Variants in ZNF892 observed in about 807,000 individuals in gnomAD.
The protein encoded by ZNF892 is zinc finger protein 570-like.
the ZNF892 span, chr2:95,259,581 A>G: frequency 2.6e-5 from 4 of 152,238 alleles, no homozygotes; most frequent in African/African-American, 4.8e-5. Context: ...GGAATATGCA[A>G]TCTTCCCCAG....
chr2:95,232,671 T>G, the ZNF892 span, among the ~76,000 whole-genome samples: 1 of 152,166 alleles, frequency 6.6e-6, no homozygotes, highest in African/African-American at 2.4e-5. Flanking sequence ...AGGAGGTCAG[T>G]CTCTTTAGAG....
At chr2:95,207,727 C>A in the ZNF892 span, 3 of 398,184 alleles carry the variant, frequency 7.5e-6, no homozygotes, top group Non-Finnish European at 1.3e-5. Flanking sequence ...CGCGTGCGTT[C>A]CCGGCCTCTT....
the ZNF892 span, among the ~76,000 whole-genome samples, chr2:95,239,654 GT>G: frequency 6.6e-6 from 1 of 151,742 alleles, no homozygotes; most frequent in Non-Finnish European, 1.5e-5. Flanking sequence ...GCTGGAGCAC[GT>G]CTAGCTCTGT....
At chr2:95,238,221 G>T in the ZNF892 span, among the ~76,000 whole-genome samples, 1 of 152,218 alleles carries the variant, frequency 6.6e-6, no homozygotes, top group African/African-American at 2.4e-5. Context: ...TGACTCTCTT[G>T]TTAGGGCTAA....
chr2:95,222,411 A>G, the ZNF892 span, among the ~76,000 whole-genome samples: 245 of 152,314 alleles, frequency 1.6e-3, 1 homozygote, highest in Non-Finnish European at 2.9e-3. Flanking sequence ...CACAGGGCCA[A>G]CCTTTTCCAG....
the ZNF892 span, among the ~76,000 whole-genome samples, chr2:95,221,824 C>T: frequency 6.6e-6 from 1 of 152,140 alleles, no homozygotes; most frequent in Non-Finnish European, 1.5e-5. Context: ...CAATAAAATT[C>T]ACCCACTTAA....
chr2:95,252,036 G>A, the ZNF892 span, among the ~76,000 whole-genome samples: 7 of 152,154 alleles, frequency 4.6e-5, no homozygotes, highest in East Asian at 1.9e-4. Context: ...GTTCGGAGTC[G>A]CAAAGAAAAT....
At chr2:95,238,001 T>C in the ZNF892 span, among the ~76,000 whole-genome samples, 1 of 152,170 alleles carries the variant, frequency 6.6e-6, no homozygotes, top group African/African-American at 2.4e-5. Context: ...CTCCATCACA[T>C]AAATTAAGTG....
chr2:95,234,586 A>G, the ZNF892 span, among the ~76,000 whole-genome samples: 1 of 152,198 alleles, frequency 6.6e-6, no homozygotes, highest in Non-Finnish European at 1.5e-5. Flanking sequence ...TGCCTATCCA[A>G]TGAGGGTTCC....
At chr2:95,213,966 A>T in the ZNF892 span, among the ~76,000 whole-genome samples, 38 of 152,234 alleles carry the variant, frequency 2.5e-4, no homozygotes, top group African/African-American at 8.9e-4. Flanking sequence ...TCTTTCTCTG[A>T]TCCTATCTCC....
the ZNF892 span, chr2:95,214,390 A>C: frequency 5.0e-6 from 2 of 398,572 alleles, no homozygotes; most frequent in Non-Finnish European, 8.8e-6. Flanking sequence ...GATATTTCTG[A>C]AGAAGAATCG....
the ZNF892 span, among the ~76,000 whole-genome samples, chr2:95,220,316 C>CT: frequency 6.7e-6 from 1 of 149,536 alleles, no homozygotes; most frequent in African/African-American, 2.5e-5. Context: ...CTTCCCAGTC[C>CT]TTTGGCTAAA....
chr2:95,209,497 G>T, the ZNF892 span, among the ~76,000 whole-genome samples: 1 of 152,316 alleles, frequency 6.6e-6, no homozygotes, highest in East Asian at 1.9e-4. Context: ...GATTAGTAAA[G>T]ATGCTTCTGT....
chr2:95,207,740 G>A, the ZNF892 span: 1 of 398,254 alleles, frequency 2.5e-6, no homozygotes, highest in Non-Finnish European at 4.4e-6. Flanking sequence ...GGCCTCTTGG[G>A]GGACCCGAGC....
At chr2:95,258,096 C>T in the ZNF892 span, among the ~76,000 whole-genome samples, 4 of 152,184 alleles carry the variant, frequency 2.6e-5, no homozygotes, top group Non-Finnish European at 5.9e-5. Flanking sequence ...GTCCAACAAT[C>T]CCCAGTGAGA....
the ZNF892 span, among the ~76,000 whole-genome samples, chr2:95,228,385 A>C: frequency 6.6e-6 from 1 of 152,196 alleles, no homozygotes; most frequent in Non-Finnish European, 1.5e-5. Context: ...AGCTAGGATC[A>C]TGCCACTGCC....
chr2:95,243,883 G>A, the ZNF892 span, among the ~76,000 whole-genome samples: 375 of 152,328 alleles, frequency 2.5e-3, 12 homozygotes, highest in East Asian at 0.065. Context: ...TGACAATGGC[G>A]GTTTTGTGGA....
At chr2:95,254,766 G>A in the ZNF892 span, among the ~76,000 whole-genome samples, 2 of 152,216 alleles carry the variant, frequency 1.3e-5, no homozygotes, top group South Asian at 2.1e-4. Flanking sequence ...AGAGCCTGTT[G>A]TTGGTCTATT....
At chr2:95,246,974 A>G in the ZNF892 span, among the ~76,000 whole-genome samples, 2 of 152,238 alleles carry the variant, frequency 1.3e-5, no homozygotes, top group Non-Finnish European at 2.9e-5. Flanking sequence ...TTAAACTACC[A>G]TCAACATTCT....
Sources: gnomAD v4.1 joint callset for allele counts (sites outside exome capture counted in the v4.1 genomes callset) on GRCh38, gnomAD v4.1.1 for gene constraint, MANE v1.5 for transcripts, NCBI Gene and HGNC (gene_info 2026-07-23, HGNC 2026-07-21) for gene names.